Variants in PDE7B observed in about 807,000 individuals in gnomAD.
The protein encoded by PDE7B is 3',5'-cyclic-AMP phosphodiesterase 7B.
Under a neutral mutation model 56.2 loss-of-function variants are expected in PDE7B, and 29 were observed. The ratio of observed to expected loss-of-function variants is 0.52; its 90% CI spans 0.38 to 0.70. PDE7B has a LOEUF of 0.70. Among genes scored for constraint, PDE7B ranks in the 30% least tolerant of loss-of-function variants. The probability of loss-of-function intolerance (pLI) is 0.00; values close to 1 mark genes in which losing one functional copy is unlikely to be tolerated. For missense variants in PDE7B, 490 were observed against 565.0 expected (o/e 0.87, Z 1.35); for synonymous variants, 197 against 196.9 (o/e 1.00, Z 0.00).
At position 136,088,870 on chromosome 6, in the gene PDE7B, G is replaced by A. The variant is rs12192885; in HGVS notation, c.83-19861G>A. Reference sequence around the variant, plus strand: ...CTCAATAAAGCTGTCATTTTAAAATGTGAGGTAATAAAATTTGGCAGGGGG... The same window carrying A: ...CTCAATAAAGCTGTCATTTTAAAATATGAGGTAATAAAATTTGGCAGGGGG... On this transcript the variant is annotated intron_variant, in intron 2 of 12. Coordinates refer to ENST00000308191, the MANE Select transcript of PDE7B (RefSeq NM_018945.4). 5.5e-4 allele frequency among the ~76,000 whole-genome samples: 84 copies of A among 152,124 alleles called. 2 individuals carry two copies. The highest frequency in any genetic ancestry group is 9.3e-4 in the Non-Finnish European group (63 of 68,004).
chr6:135,918,070 A>T (rs1773991420), intron 1 of PDE7B, among the ~76,000 whole-genome samples: 1 of 152,174 alleles, frequency 6.6e-6, no homozygotes, highest in Non-Finnish European at 1.5e-5. Context: ...AAGAACCTTT[A>T]TGCAGATTTC....
chr6:136,053,743 T>C (rs1025110414), intron 2 of PDE7B, among the ~76,000 whole-genome samples: 4 of 152,138 alleles, frequency 2.6e-5, no homozygotes, highest in African/African-American at 9.7e-5. Flanking sequence ...TTTTTAATGA[T>C]TGCCATTCTA....
intron 2 of PDE7B, among the ~76,000 whole-genome samples, chr6:136,046,624 T>C (rs1776513320): frequency 6.6e-6 from 1 of 152,204 alleles, no homozygotes; most frequent in African/African-American, 2.4e-5. Context: ...CCTGTGACGC[T>C]TCCCTGCAAT....
intron 2 of PDE7B, among the ~76,000 whole-genome samples, chr6:136,008,083 G>A (rs1352067460): frequency 6.6e-6 from 1 of 151,506 alleles, no homozygotes; most frequent in African/African-American, 2.4e-5. Context: ...AACGTGCAGT[G>A]TTTGGTTTTT....
intron 1 of PDE7B, among the ~76,000 whole-genome samples, chr6:135,863,806 T>C (rs1315435855): frequency 6.6e-6 from 1 of 152,000 alleles, no homozygotes; most frequent in Non-Finnish European, 1.5e-5. Context: ...CTTTTAGTTT[T>C]AAATTGTCTA....
At chr6:135,871,709 G>A (rs1282488720) in intron 1 of PDE7B, among the ~76,000 whole-genome samples, 3 of 152,046 alleles carry the variant, frequency 2.0e-5, no homozygotes, top group Non-Finnish European at 2.9e-5. Context: ...CCGTGCCTCA[G>A]TTTTCTTTCA....
chr6:135,979,930 G>GA (rs1775264652), intron 2 of PDE7B, among the ~76,000 whole-genome samples: 1 of 152,080 alleles, frequency 6.6e-6, no homozygotes, highest in African/African-American at 2.4e-5. Flanking sequence ...CACAGAATTT[G>GA]AAAAAACTAC....
At chr6:135,924,035 T>C (rs1774138713) in intron 1 of PDE7B, among the ~76,000 whole-genome samples, 1 of 152,212 alleles carries the variant, frequency 6.6e-6, no homozygotes. Flanking sequence ...TGACAAATTT[T>C]TTTAAATGTA....
chr6:136,055,362 T>C (rs73777438), intron 2 of PDE7B, among the ~76,000 whole-genome samples: 6,951 of 152,318 alleles, frequency 0.046, 492 homozygotes, highest in African/African-American at 0.16. Flanking sequence ...TCTTTACTTC[T>C]ACTTTTTAAT....
chr6:136,135,416 C>T (rs543639782), intron 3 of PDE7B, among the ~76,000 whole-genome samples: 1 of 151,808 alleles, frequency 6.6e-6, no homozygotes, highest in East Asian at 1.9e-4. Context: ...TAGCAAATGC[C>T]CTAAATGTTA....
chr6:136,084,148 C>CA (rs1285105912), intron 2 of PDE7B, among the ~76,000 whole-genome samples: 3 of 152,140 alleles, frequency 2.0e-5, no homozygotes, highest in Non-Finnish European at 2.9e-5. Context: ...CCTAACTCTC[C>CA]AAATTATTTA....
In PDE7B at chr6:135,997,413, C is replaced by CAAAAAA. The variant is rs59388049; in HGVS notation, c.82+49922_82+49927dup. Among the ~76,000 whole-genome samples the CAAAAAA allele has an allele frequency of 7.5e-4, 8 of 10,716 alleles. 1 individual carries two copies. Among genetic ancestry groups the CAAAAAA allele is most frequent in the East Asian group, 4.6e-3 (1 of 218 alleles). 7.0% of individuals were successfully genotyped at this position (10,716 alleles called of 152,430 possible). On this transcript the variant is annotated intron_variant, in intron 2 of 12. Coordinates refer to ENST00000308191, the MANE Select transcript of PDE7B (RefSeq NM_018945.4). The stretch of plus-strand genomic sequence containing the variant: ...TAGCTGACAGAATGAGACCCTGTCT[C>CAAAAAA]AAAAAAAAAAAAAAAAAAAAAAAAA...
chr6:135,853,551 T>C lies in PDE7B; in HGVS notation c.21+1532T>C, dbSNP rs536067331. Reference sequence around the variant, plus strand: ...ATTTTCTCCAATAAAATGAAGTCACTTTTGTCTCAAGTAGAAGCCCACAGT... The same window carrying C: ...ATTTTCTCCAATAAAATGAAGTCACCTTTGTCTCAAGTAGAAGCCCACAGT... On this transcript the variant is annotated intron_variant, in intron 1 of 12. Coordinates refer to ENST00000308191, the MANE Select transcript of PDE7B (RefSeq NM_018945.4). Among the ~76,000 whole-genome samples, 13 of 152,308 alleles carry C rather than the reference T, an allele frequency of 8.5e-5. No individual in the cohort carries two copies. The East Asian group carries it at 2.5e-3, about 29-fold the overall frequency.
rs78021942 is a variant in PDE7B at position 136,148,645 on chromosome 6, A to G, written c.319-442A>G. ...TTTTTGAATGTTTGCTTGTTTGTTG[A>G]GAGGAGAACAAGCCTTAACTTCCCC... On this transcript the variant is annotated intron_variant, in intron 4 of 12. Coordinates refer to ENST00000308191, the MANE Select transcript of PDE7B (RefSeq NM_018945.4). Among the ~76,000 whole-genome samples, 1,125 of 152,236 alleles carry G rather than the reference A, an allele frequency of 7.4e-3. 3 individuals are homozygous for G. The highest frequency in any genetic ancestry group is 0.011 in the Non-Finnish European group (779 of 68,022).
chr6:136,047,632 G>T (rs1038912798), intron 2 of PDE7B: 2 of 152,152 alleles, frequency 1.3e-5, no homozygotes, highest in Non-Finnish European at 2.9e-5. Context: ...ATGTTTCAAT[G>T]TTACATACAA....
chr6:135,942,775 A>G (rs1331340898), intron 1 of PDE7B, among the ~76,000 whole-genome samples: 5 of 151,976 alleles, frequency 3.3e-5, no homozygotes, highest in Non-Finnish European at 4.4e-5. Flanking sequence ...GGCTTATTTC[A>G]TTTAACATAA....
chr6:135,918,009 T>A (rs1773990158), intron 1 of PDE7B, among the ~76,000 whole-genome samples: 1 of 152,244 alleles, frequency 6.6e-6, no homozygotes, highest in Non-Finnish European at 1.5e-5. Context: ...TTGTACCTTG[T>A]AGTTTTTCCC....
At chr6:135,988,111 G>T (rs1297248659) in intron 2 of PDE7B, among the ~76,000 whole-genome samples, 2 of 152,144 alleles carry the variant, frequency 1.3e-5, no homozygotes, top group African/African-American at 4.8e-5. Context: ...ATTGGGCAAT[G>T]TTCTAGAAAC....
chr6:135,977,059 AC>A (rs1249274517), intron 2 of PDE7B, among the ~76,000 whole-genome samples: 1 of 152,140 alleles, frequency 6.6e-6, no homozygotes, highest in Non-Finnish European at 1.5e-5. Flanking sequence ...CCTGGTCAAC[AC>A]AGGGAGGGAG....
Sources: allele counts gnomAD v4.1 joint callset (sites outside exome capture counted in the v4.1 genomes callset), GRCh38; gene constraint gnomAD v4.1.1; transcripts MANE v1.5; gene names NCBI Gene and HGNC (gene_info 2026-07-23, HGNC 2026-07-21).